Variants in SOX5 observed in about 807,000 individuals in gnomAD.
The protein encoded by SOX5 is SRY-box transcription factor 5.
SOX5 carries 9 observed loss-of-function variants against 92.0 expected under a neutral mutation model. That is an observed-to-expected ratio of 0.10 (90% CI 0.06 to 0.17). The LOEUF (loss-of-function observed/expected upper bound fraction) is 0.17. SOX5 is among the 10% of genes least tolerant of loss of function. The pLI is 1.00. For missense variants in SOX5, 642 were observed against 944.5 expected (o/e 0.68, Z 4.20); for synonymous variants, 344 against 336.3 (o/e 1.02, Z -0.25).
chr12:23,635,252 A>G (rs2079072025), intron 8 of SOX5, among the ~76,000 whole-genome samples: 4 of 152,148 alleles, frequency 2.6e-5, no homozygotes, highest in Admixed American at 1.3e-4. Flanking sequence ...TTATTCCAGG[A>G]AGAGAAAACA....
Position 24,120,469 on chromosome 12 carries a change from G to T in SOX5, c.-2+92874C>A, listed in dbSNP as rs370581877. 6.6e-4 allele frequency among the ~76,000 whole-genome samples: 100 copies of T among 152,280 alleles called. 4 individuals are homozygous for T. In the South Asian group the frequency reaches 0.02, roughly 31 times the overall value. ...AATCCAGAGAGTAAAAGTGCTTTTG[G>T]TATCTAGAACATACATTTCGAACTA... On this transcript the variant is annotated intron_variant, in intron 4 of 4. Transcript: ENST00000446891.
At position 24,355,282 on chromosome 12, in the gene SOX5, C is replaced by CAATTTTTTT. The variant is rs1221012836; in HGVS notation, c.-174+13280_-174+13281insAAAAAAATT. On this transcript the variant is annotated intron_variant, in intron 2 of 4. Transcript: ENST00000446891. ...TTAGCAGGTGTGGTGAGGGGTGCAT[C>CAATTTTTTT]TTTTTTTTTTTTTTTTTTTTTTTTT... Among the ~76,000 whole-genome samples the CAATTTTTTT allele has an allele frequency of 5.4e-4, 39 of 71,928 alleles. 2 individuals are homozygous for CAATTTTTTT. Among genetic ancestry groups the CAATTTTTTT allele is most frequent in the Non-Finnish European group, 7.8e-4 (34 of 43,378 alleles). 47.2% of individuals were successfully genotyped at this position (71,928 alleles called of 152,430 possible). A position where few individuals can be genotyped will look rare whatever the true frequency, so the allele number is the denominator to read the frequency against.
chr12:24,052,458 A>G (rs1417938930), intron 4 of SOX5, among the ~76,000 whole-genome samples: 1 of 152,082 alleles, frequency 6.6e-6, no homozygotes, highest in Non-Finnish European at 1.5e-5. Context: ...CTTTCTTGCT[A>G]TTGCTGTTAC....
chr12:24,312,115 A>G (rs1281511357), intron 2 of SOX5, among the ~76,000 whole-genome samples: 1 of 152,220 alleles, frequency 6.6e-6, no homozygotes, highest in African/African-American at 2.4e-5. Context: ...TGAGACCACA[A>G]CTATTTATTT....
intron 8 of SOX5, among the ~76,000 whole-genome samples, chr12:23,620,800 G>A (rs2077083599): frequency 6.6e-6 from 1 of 152,000 alleles, no homozygotes; most frequent in Non-Finnish European, 1.5e-5. Flanking sequence ...TACCAACGAA[G>A]CAATACAGAG....
chr12:23,988,120 C>T (rs747763491), intron 4 of SOX5, among the ~76,000 whole-genome samples: 2 of 152,070 alleles, frequency 1.3e-5, no homozygotes, highest in Non-Finnish European at 2.9e-5. Flanking sequence ...TAATGACTCA[C>T]AAATTTTTAA....
chr12:24,466,484 G>T (rs150486527), intron 1 of SOX5, among the ~76,000 whole-genome samples: 1 of 152,110 alleles, frequency 6.6e-6, no homozygotes, highest in African/African-American at 2.4e-5. Flanking sequence ...AGTCATCTTG[G>T]TCCTCCATGG....
chr12:23,761,571 T>C (rs2094564326), intron 3 of SOX5, among the ~76,000 whole-genome samples: 1 of 152,146 alleles, frequency 6.6e-6, no homozygotes, highest in African/African-American at 2.4e-5. Context: ...TTAGAGATGC[T>C]AAATAACTTG....
intron 4 of SOX5, among the ~76,000 whole-genome samples, chr12:24,137,358 C>T (rs79335003): frequency 0.074 from 11,308 of 152,150 alleles, 567 homozygotes; most frequent in Admixed American, 0.14. Context: ...CTAGGCCAGG[C>T]AGGGTGGCTC....
chr12:24,483,725 A>G (rs1288965490), intron 1 of SOX5, among the ~76,000 whole-genome samples: 2 of 152,200 alleles, frequency 1.3e-5, no homozygotes, highest in African/African-American at 4.8e-5. Context: ...CCCTGTGACA[A>G]TAATTTGGCT....
At chr12:23,988,179 CA>C (rs368527733) in intron 4 of SOX5, among the ~76,000 whole-genome samples, 127 of 152,200 alleles carry the variant, frequency 8.3e-4, no homozygotes, top group Admixed American at 2.7e-3. Flanking sequence ...ATGGAGGTGA[CA>C]AACAGAGGAG....
intron 1 of SOX5, among the ~76,000 whole-genome samples, chr12:23,908,209 C>A (rs1290819932): frequency 1.3e-5 from 2 of 151,958 alleles, no homozygotes; most frequent in Admixed American, 6.6e-5. Flanking sequence ...TTTCAAAGGT[C>A]ATTGTGAAAT....
intron 4 of SOX5, among the ~76,000 whole-genome samples, chr12:23,982,636 A>G (rs1353100890): frequency 1.3e-5 from 2 of 152,090 alleles, no homozygotes; most frequent in Admixed American, 1.3e-4. Flanking sequence ...ACTAACTCTT[A>G]AAGTAGAATT....
intron 1 of SOX5, among the ~76,000 whole-genome samples, chr12:24,488,552 C>A (rs1337892378): frequency 6.6e-6 from 1 of 152,168 alleles, no homozygotes; most frequent in East Asian, 1.9e-4. Flanking sequence ...CACCACTGCA[C>A]TCTAGCCTGC....
chr12:23,730,031 G>A (rs2093331102), intron 6 of SOX5, among the ~76,000 whole-genome samples: 1 of 152,110 alleles, frequency 6.6e-6, no homozygotes, highest in Non-Finnish European at 1.5e-5. Context: ...CTGAGTAGAA[G>A]TCACTCAGTC....
At chr12:23,974,444 C>T (rs1227127298) in intron 4 of SOX5, among the ~76,000 whole-genome samples, 2 of 151,856 alleles carry the variant, frequency 1.3e-5, no homozygotes, top group African/African-American at 4.8e-5. Flanking sequence ...TACTCTCATT[C>T]CAATGTAAAA....
At chr12:23,692,890 A>G (rs920109143) in intron 6 of SOX5, among the ~76,000 whole-genome samples, 1 of 152,210 alleles carries the variant, frequency 6.6e-6, no homozygotes, top group East Asian at 1.9e-4. Context: ...TTCCTGGGAA[A>G]TTAAATAGTT....
intron 3 of SOX5, among the ~76,000 whole-genome samples, chr12:24,238,204 A>T (rs1964886460): frequency 1.3e-5 from 2 of 152,166 alleles, no homozygotes; most frequent in South Asian, 2.1e-4. Flanking sequence ...ACAGATGAAG[A>T]CCCCTTAAGA....
intron 1 of SOX5, among the ~76,000 whole-genome samples, chr12:24,433,094 T>G (rs1157486228): frequency 2.0e-5 from 3 of 152,152 alleles, no homozygotes. Context: ...CTTTAAAAAT[T>G]AAAATAAAAA....
Sources: gnomAD v4.1 joint callset for allele counts (sites outside exome capture counted in the v4.1 genomes callset) on GRCh38, gnomAD v4.1.1 for gene constraint, MANE v1.5 for transcripts, NCBI Gene and HGNC (gene_info 2026-07-23, HGNC 2026-07-21) for gene names.